Variants in DDX52 observed in about 807,000 individuals in gnomAD.
DDX52 encodes probable ATP-dependent RNA helicase DDX52.
Under a neutral mutation model 76.1 loss-of-function variants are expected in DDX52, and 59 were observed. The observed-to-expected ratio is 0.78, with a 90% CI of 0.63 to 0.96. The LOEUF (loss-of-function observed/expected upper bound fraction) is 0.96, where lower values mean the gene tolerates loss of function less well. Among genes scored for constraint, DDX52 ranks in the 40% least tolerant of loss-of-function variants. The pLI is 0.00. For synonymous variants in DDX52, 231 were observed against 244.1 expected, an observed-to-expected ratio of 0.95 and a Z score of 0.50; for missense variants, 707 against 703.9, an observed-to-expected ratio of 1.00 and a Z score of -0.05.
Position 37,632,370 on chromosome 17 carries a change from A to T in DDX52, c.418-72T>A. ...ACATTCTCAGATGTTATAAAGCAAC[A>T]TTAACAGTTTCTGGGATAACCTTTA... On this transcript the variant is annotated intron_variant, in intron 3 of 14. Transcript: ENST00000617633. 3.2e-6 allele frequency: 5 copies of T among 1,550,730 alleles called. No homozygotes were observed. The East Asian group carries it at 1.1e-4, about 35-fold the overall frequency.
intron 2 of DDX52, among the ~76,000 whole-genome samples, chr17:37,639,000 G>A (rs111696024): frequency 2.0e-5 from 3 of 151,886 alleles, no homozygotes; most frequent in Non-Finnish European, 4.4e-5. Context: ...TCAAACTCCC[G>A]ACCTCAAGTG....
intron 4 of DDX52, chr17:37,631,910 T>C (rs2030698917): frequency 1.6e-6 from 1 of 619,238 alleles, no homozygotes; most frequent in African/African-American, 1.8e-5. Context: ...GAAAGGGTAC[T>C]AGAAAAGGAA....
rs1315937426 is a variant in DDX52 at position 37,611,923 on chromosome 17, T to G, written c.*2373A>C. 9.8e-6 allele frequency: 1 copy of G among 101,616 alleles called. No individual in the cohort carries two copies. The highest frequency in any genetic ancestry group is 2.5e-4 in the East Asian group (1 of 4,006). 6.3% of individuals were successfully genotyped at this position (101,616 alleles called of 1,614,324 possible). A position where few individuals can be genotyped will look rare whatever the true frequency, so the allele number is the denominator to read the frequency against. ...CTGCAGTGGGCCATGATTGTGCCAC[T>G]AAACTCCAAATTAGGTAACAGACCC... On this transcript the variant is annotated 3_prime_UTR_variant, in exon 15 of 15. Transcript: ENST00000617633.
chr17:37,643,436 G>A lies in DDX52; in HGVS notation c.-16C>T, dbSNP rs1402878948. 1.9e-6 allele frequency: 3 copies of A among 1,613,278 alleles called. No homozygotes were observed. Among genetic ancestry groups the A allele is most frequent in the Non-Finnish European group, 2.5e-6 (3 of 1,179,708 alleles). On this transcript the variant is annotated 5_prime_UTR_variant, in exon 1 of 15. Coordinates refer to ENST00000617633, the MANE Select transcript of DDX52 (RefSeq NM_007010.5). ...GGACGTCCATCTTTACCCAGAAAGCGCCACAGTTCTACGGCGCCTGCGCAG... is the reference window on the plus strand; with the variant it reads ...GGACGTCCATCTTTACCCAGAAAGCACCACAGTTCTACGGCGCCTGCGCAG...
rs1410948571 is a variant in DDX52, at chr17:37,612,543, C to A, written c.*1753G>T. 6.6e-6 allele frequency: 1 copy of A among 152,088 alleles called. No individual in the cohort carries two copies. The highest frequency in any genetic ancestry group is 1.5e-5 in the Non-Finnish European group (1 of 68,020). 9.4% of individuals were successfully genotyped at this position (152,088 alleles called of 1,614,324 possible). On this transcript the variant is annotated 3_prime_UTR_variant, in exon 15 of 15. Transcript: ENST00000617633. ...AGCCTAGGTGTACTGGTAGGCTATA[C>A]CATCTAGGTTTGTGGAAGTAAACAA...
intron 2 of DDX52, chr17:37,635,658 AT>A: frequency 2.2e-6 from 1 of 455,506 alleles, no homozygotes; most frequent in South Asian, 1.6e-5. Context: ...CAATGTTGCT[AT>A]GAAAATTTGT....
chr17:37,639,019 G>T (rs946795231), intron 2 of DDX52, among the ~76,000 whole-genome samples: 2 of 151,926 alleles, frequency 1.3e-5, no homozygotes, highest in African/African-American at 4.8e-5. Flanking sequence ...TGGTCAGCCC[G>T]CCTCCGCCTC....
chr17:37,622,594 G>A (rs747291328), intron 9 of DDX52, among the ~76,000 whole-genome samples: 4 of 152,044 alleles, frequency 2.6e-5, no homozygotes, highest in African/African-American at 7.2e-5. Context: ...ACGCCTGGCC[G>A]AGTTTCTTAG....
intron 14 of DDX52, among the ~76,000 whole-genome samples, chr17:37,616,824 C>CTA (rs1182968914): frequency 3.3e-5 from 5 of 152,164 alleles, no homozygotes; most frequent in African/African-American, 1.2e-4. Flanking sequence ...TTTTGAGACA[C>CTA]TATATATACA....
chr17:37,628,417 G>A (rs2030498874), intron 6 of DDX52, 144 bp downstream of exon 6: 3 of 643,150 alleles, frequency 4.7e-6, no homozygotes, highest in Non-Finnish European at 8.0e-6. Flanking sequence ...AGTAGAGTGA[G>A]AAGGGGATCG....
Position 37,610,986 on chromosome 17 carries a change from GAC to G in DDX52, c.*3308_*3309del, listed in dbSNP as rs1358494006. 6.6e-6 allele frequency: 1 copy of G among 152,206 alleles called. No homozygotes were observed. Among genetic ancestry groups the G allele is most frequent in the Non-Finnish European group, 1.5e-5 (1 of 68,052 alleles). The allele number at this position is 152,206 out of a possible 1,614,324, so 9.4% of individuals were successfully genotyped here. On this transcript the variant is annotated 3_prime_UTR_variant, in exon 15 of 15. Coordinates refer to ENST00000617633, the MANE Select transcript of DDX52 (RefSeq NM_007010.5). The stretch of plus-strand genomic sequence containing the variant: ...CAGGTTACTGTAGATACTTTAAACA[GAC>G]ACAATAAAGTCAAGGATCATAGATG...
At chr17:37,620,996 C>A in intron 11 of DDX52, 48 bp from the exon 12 acceptor site, 1 of 1,564,882 alleles carries the variant, frequency 6.4e-7, no homozygotes, top group Non-Finnish European at 8.6e-7. Context: ...GGGAAGGAGG[C>A]TCTCAAAATT....
intron 2 of DDX52, among the ~76,000 whole-genome samples, chr17:37,637,221 T>A (rs1192701821): frequency 6.6e-6 from 1 of 151,976 alleles, no homozygotes; most frequent in Admixed American, 6.6e-5. Context: ...AACCTCCGCC[T>A]CCCAGGTTCA....
At chr17:37,641,515 G>A (rs1430518975) in intron 2 of DDX52, among the ~76,000 whole-genome samples, 1 of 152,146 alleles carries the variant, frequency 6.6e-6, no homozygotes, top group Non-Finnish European at 1.5e-5. Context: ...AAAGCGGGCG[G>A]ATCACGAGGT....
rs562257712 is a variant in DDX52, at chr17:37,626,805, G to A, written c.915C>T (p.Pro305=). The A allele has an allele frequency of 5.1e-5, 82 of 1,610,416 alleles. No individual in the cohort carries two copies. The highest frequency in any genetic ancestry group is 1.0e-4 in the Admixed American group (6 of 59,310). ...ATCTATACCTTGCTAGGTCGATTCC[G>A]GGGGGATCTTGCTTTAATAAATAGA... The part of the protein sequence containing the change: ...RLIYLLKQDP[P]GIDLASVEWL... The change falls in exon 7 of 15, where the codon CCC becomes CCT. Residue 305 remains proline (P), a synonymous_variant. Coordinates refer to ENST00000617633, the MANE Select transcript of DDX52 (RefSeq NM_007010.5).
In DDX52 at chr17:37,642,219, A is replaced by G. The variant is rs1467411221; in HGVS notation, c.177T>C (p.Cys59=). 1 of 1,613,982 alleles carries G rather than the reference A, an allele frequency of 6.2e-7. No individual in the cohort carries two copies. Among genetic ancestry groups the G allele is most frequent in the South Asian group, 1.1e-5 (1 of 91,076 alleles). ...FGNKKSVPGV[C]GASQTHQKPQ... ...GCTTCTGATGTGTTTGTGATGCTCC[A>G]CACACACCTGGGACAGACTTCTTGT... The change falls in exon 2 of 15, where the codon TGT becomes TGC. Residue 59 remains cysteine (C), a synonymous_variant. Coordinates refer to ENST00000617633, the MANE Select transcript of DDX52 (RefSeq NM_007010.5).
rs779205705 is a variant in DDX52, at chr17:37,624,404, C to A, written c.1167G>T (p.Glu389Asp). The change falls in exon 9 of 15, where the codon GAG (glutamate) becomes GAT (aspartate). Residue 389 changes from glutamate (E) to aspartate (D), a missense_variant. Glu to Asp is a conservative substitution (Grantham distance 45, BLOSUM62 2). Transcript: ENST00000617633. ...CGGTCTCAGATCCAACAAAGAGAAG[C>A]TCTTGTTCTACAGTTTCTACTGCAG... ...RNSAVETVEQELLFVGSETGK... is the reference protein window; with the variant it reads ...RNSAVETVEQDLLFVGSETGK... 1 of 1,606,692 alleles carries A rather than the reference C, an allele frequency of 6.2e-7. No individual in the cohort carries two copies. Among genetic ancestry groups the A allele is most frequent in the Admixed American group, 1.7e-5 (1 of 59,632 alleles).
intron 2 of DDX52, among the ~76,000 whole-genome samples, chr17:37,634,691 T>C (rs1010038870): frequency 6.6e-6 from 1 of 152,210 alleles, no homozygotes; most frequent in Non-Finnish European, 1.5e-5. Flanking sequence ...ATTATAAAGA[T>C]AGCCTTTCTC....
At position 37,613,999 on chromosome 17, in the gene DDX52, G is replaced by A. The variant is rs983619533; in HGVS notation, c.*297C>T. 3.3e-6 allele frequency: 1 copy of A among 304,406 alleles called. No homozygotes were observed. Among genetic ancestry groups the A allele is most frequent in the Non-Finnish European group, 6.0e-6 (1 of 167,410 alleles). 18.9% of individuals were successfully genotyped at this position (304,406 alleles called of 1,614,324 possible). On this transcript the variant is annotated 3_prime_UTR_variant, in exon 15 of 15. Coordinates refer to ENST00000617633, the MANE Select transcript of DDX52 (RefSeq NM_007010.5). ...CCTACAGAGCTGGGTGCAGCAGCTT[G>A]TGCCTGTAATCTCAGTTACTCAGGA...
Sources: gnomAD v4.1 joint callset for allele counts (sites outside exome capture counted in the v4.1 genomes callset) on GRCh38, gnomAD v4.1.1 for gene constraint, MANE v1.5 for transcripts, NCBI Gene and HGNC (gene_info 2026-07-23, HGNC 2026-07-21) for gene names.